TAFA4: variants seen among roughly 807,000 people sequenced by gnomAD.
The protein encoded by TAFA4 is chemokine-like protein TAFA-4.
TAFA4 carries 20 observed loss-of-function variants against 21.1 expected under a neutral mutation model. That is an observed-to-expected ratio of 0.95 (90% CI 0.67 to 1.38). The LOEUF is 1.38. Among genes scored for constraint, TAFA4 ranks in the 40% most tolerant of loss-of-function variants. TAFA4 has a pLI of 0.00. For synonymous variants in TAFA4, 71 were observed against 67.4 expected, an observed-to-expected ratio of 1.05 and a Z score of -0.26; for missense variants, 211 against 180.9, an observed-to-expected ratio of 1.17 and a Z score of -0.95.
Position 68,732,488 on chromosome 3 carries a change from G to A in TAFA4, c.*654C>T, listed in dbSNP as rs919266344. 6.6e-6 allele frequency: 1 copy of A among 152,224 alleles called. No individual in the cohort carries two copies. The highest frequency in any genetic ancestry group is 2.4e-5 in the African/African-American group (1 of 41,316). The allele number at this position is 152,224 out of a possible 1,614,324, so 9.4% of individuals were successfully genotyped here. The stretch of plus-strand genomic sequence containing the variant: ...GCACTCAGTAAAATGGTACATTGAA[G>A]TTAAAACGCTCTCATTTTATCTCTG... On this transcript the variant is annotated 3_prime_UTR_variant, in exon 6 of 6. Transcript: ENST00000295569.
intron 1 of TAFA4, among the ~76,000 whole-genome samples, chr3:68,920,478 A>C (rs34470790): frequency 0.14 from 21,053 of 152,192 alleles, 1,923 homozygotes; most frequent in Middle Eastern, 0.28. Context: ...CCAGGTCTTC[A>C]TCAGTCCATT....
At chr3:68,777,107 G>A (rs549200174) in intron 3 of TAFA4, among the ~76,000 whole-genome samples, 3 of 150,470 alleles carry the variant, frequency 2.0e-5, no homozygotes, top group African/African-American at 7.3e-5. Context: ...TATATATAAC[G>A]AAATAATGAG....
At chr3:68,912,572 G>A (rs890037906) in intron 1 of TAFA4, among the ~76,000 whole-genome samples, 1 of 152,306 alleles carries the variant, frequency 6.6e-6, no homozygotes, top group Non-Finnish European at 1.5e-5. Flanking sequence ...GCGAGCGAGC[G>A]GCATGCCGTT....
chr3:68,813,708 T>C (rs1040969245), intron 3 of TAFA4, among the ~76,000 whole-genome samples: 1 of 152,012 alleles, frequency 6.6e-6, no homozygotes, highest in African/African-American at 2.4e-5. Flanking sequence ...CAGGACCAGA[T>C]GGATTCACAG....
intron 3 of TAFA4, among the ~76,000 whole-genome samples, chr3:68,808,770 A>T (rs902248766): frequency 2.0e-5 from 3 of 152,232 alleles, no homozygotes. Flanking sequence ...TGCAATAACA[A>T]AAAAGCCCAA....
chr3:68,887,146 A>G (rs1559554248), intron 1 of TAFA4, among the ~76,000 whole-genome samples: 1 of 152,274 alleles, frequency 6.6e-6, no homozygotes, highest in Non-Finnish European at 1.5e-5. Context: ...TGGAACAGGC[A>G]TAAAACAGAC....
At chr3:68,923,676 AC>A (rs2090080479) in intron 1 of TAFA4, among the ~76,000 whole-genome samples, 1 of 152,136 alleles carries the variant, frequency 6.6e-6, no homozygotes, top group Non-Finnish European at 1.5e-5. Context: ...CATCTGACCT[AC>A]AGGAACTCCA....
chr3:68,811,063 G>T (rs1446361795), intron 3 of TAFA4, among the ~76,000 whole-genome samples: 1 of 152,174 alleles, frequency 6.6e-6, no homozygotes, highest in East Asian at 1.9e-4. Flanking sequence ...GGCAAACAGG[G>T]TCTGGAGTGG....
At chr3:68,859,504 G>A (rs181894741) in intron 3 of TAFA4, among the ~76,000 whole-genome samples, 9 of 152,130 alleles carry the variant, frequency 5.9e-5, no homozygotes, top group African/African-American at 2.2e-4. Flanking sequence ...AAAATAGAGA[G>A]GGCAAAACTT....
intron 5 of TAFA4, among the ~76,000 whole-genome samples, 175 bp downstream of exon 5, chr3:68,738,900 C>A (rs536397932): frequency 6.6e-6 from 1 of 152,134 alleles, no homozygotes; most frequent in African/African-American, 2.4e-5. Flanking sequence ...AAATCTGACA[C>A]ACAGAATGAT....
intron 3 of TAFA4, among the ~76,000 whole-genome samples, chr3:68,796,644 C>T (rs1703458827): frequency 1.3e-5 from 2 of 152,136 alleles, no homozygotes; most frequent in Admixed American, 1.3e-4. Flanking sequence ...TGAACTACAT[C>T]AAAGTTTAAA....
intron 3 of TAFA4, among the ~76,000 whole-genome samples, chr3:68,872,420 G>C (rs2089492985): frequency 1.3e-5 from 2 of 151,966 alleles, no homozygotes; most frequent in African/African-American, 4.8e-5. Flanking sequence ...AGGAGGGAGA[G>C]ATGAACAGAG....
intron 1 of TAFA4, among the ~76,000 whole-genome samples, chr3:68,911,670 AG>A (rs1202870118): frequency 1.3e-5 from 2 of 152,218 alleles, no homozygotes; most frequent in Admixed American, 6.5e-5. Flanking sequence ...CAAAAATACA[AG>A]TTCACCTGTA....
At chr3:68,785,875 A>C (rs570847503) in intron 3 of TAFA4, among the ~76,000 whole-genome samples, 1 of 152,358 alleles carries the variant, frequency 6.6e-6, no homozygotes, top group East Asian at 1.9e-4. Flanking sequence ...TCTAAATGTT[A>C]AATGCACACC....
At chr3:68,922,999 C>G (rs530572380) in intron 1 of TAFA4, among the ~76,000 whole-genome samples, 1 of 152,266 alleles carries the variant, frequency 6.6e-6, no homozygotes, top group South Asian at 2.1e-4. Flanking sequence ...TAACCATTGC[C>G]ATTTTCCTTT....
intron 3 of TAFA4, among the ~76,000 whole-genome samples, chr3:68,853,010 T>G (rs1233269510): frequency 1.3e-5 from 2 of 152,136 alleles, no homozygotes; most frequent in East Asian, 3.9e-4. Context: ...TAAACTCTTC[T>G]CTCTTCTCAG....
At chr3:68,803,878 C>T (rs1243540686) in intron 3 of TAFA4, among the ~76,000 whole-genome samples, 3 of 135,664 alleles carry the variant, frequency 2.2e-5, no homozygotes, top group African/African-American at 8.6e-5. Context: ...GATCTCGGCT[C>T]ACGGCAACCT....
intron 3 of TAFA4, among the ~76,000 whole-genome samples, chr3:68,876,250 C>A (rs1024964457): frequency 6.6e-6 from 1 of 152,126 alleles, no homozygotes; most frequent in Non-Finnish European, 1.5e-5. Context: ...TTCAGCGCAG[C>A]TTTATAACAT....
chr3:68,912,579 C>G (rs762528829), intron 1 of TAFA4, among the ~76,000 whole-genome samples: 3 of 152,176 alleles, frequency 2.0e-5, no homozygotes, highest in Non-Finnish European at 4.4e-5. Context: ...AGCGGCATGC[C>G]GTTAATCAAG....
Sources: gnomAD v4.1 joint callset for allele counts (sites outside exome capture counted in the v4.1 genomes callset) on GRCh38, gnomAD v4.1.1 for gene constraint, MANE v1.5 for transcripts, NCBI Gene and HGNC (gene_info 2026-07-23, HGNC 2026-07-21) for gene names.